ASIC2: variants seen among roughly 807,000 people sequenced by gnomAD.
ASIC2 encodes acid sensing ion channel subunit 2.
In ASIC2, 25 loss-of-function variants were observed where a neutral mutation model predicts 57.3. The ratio of observed to expected loss-of-function variants is 0.44; its 90% CI spans 0.32 to 0.61. ASIC2 has a LOEUF of 0.61. Ranked by LOEUF, ASIC2 falls within the 20% of genes least tolerant of loss-of-function variation. The pLI, the probability that ASIC2 is intolerant of heterozygous loss-of-function variation, is 0.06. For missense variants in ASIC2, 641 were observed against 738.1 expected (o/e 0.87, Z 1.52); for synonymous variants, 319 against 307.5 (o/e 1.04, Z -0.39).
chr17:33,975,393 C>G (rs978379582), intron 1 of ASIC2, among the ~76,000 whole-genome samples: 5 of 152,078 alleles, frequency 3.3e-5, no homozygotes, highest in Non-Finnish European at 7.4e-5. Flanking sequence ...CCTTTCAACC[C>G]CTTGTCCTAG....
At chr17:33,168,007 C>T (rs1597613334) in intron 1 of ASIC2, among the ~76,000 whole-genome samples, 1 of 152,196 alleles carries the variant, frequency 6.6e-6, no homozygotes, top group African/African-American at 2.4e-5. Context: ...TCATTAAATG[C>T]AATAATGCCA....
At chr17:33,625,175 CATCTAT>C (rs775915439) in intron 1 of ASIC2, among the ~76,000 whole-genome samples, 1 of 132,514 alleles carries the variant, frequency 7.5e-6, no homozygotes, top group Non-Finnish European at 1.6e-5. Flanking sequence ...ATCTATCTAT[CATCTAT>C]TATCTATCTA....
chr17:33,918,578 C>T (rs1915639465), intron 1 of ASIC2, among the ~76,000 whole-genome samples: 1 of 152,070 alleles, frequency 6.6e-6, no homozygotes, highest in Non-Finnish European at 1.5e-5. Context: ...AATTATCAAC[C>T]ACCACCCTGG....
chr17:33,544,031 G>T (rs1278805241), intron 1 of ASIC2, among the ~76,000 whole-genome samples: 1 of 152,180 alleles, frequency 6.6e-6, no homozygotes, highest in Non-Finnish European at 1.5e-5. Context: ...CAGTCAATCT[G>T]TTCCTTTCAA....
intron 1 of ASIC2, among the ~76,000 whole-genome samples, chr17:33,703,742 T>C (rs749365281): frequency 6.6e-6 from 1 of 152,172 alleles, no homozygotes; most frequent in Non-Finnish European, 1.5e-5. Flanking sequence ...GCCTTTAGCC[T>C]GTCCATGCCC....
intron 1 of ASIC2, among the ~76,000 whole-genome samples, chr17:33,844,852 A>C (rs1913535321): frequency 6.6e-6 from 1 of 152,164 alleles, no homozygotes; most frequent in Admixed American, 6.5e-5. Flanking sequence ...TATTTATATA[A>C]ATTTTTTTAT....
chr17:33,726,629 T>C lies in ASIC2; in HGVS notation c.555+429349A>G, dbSNP rs994361581. 1.4e-4 allele frequency among the ~76,000 whole-genome samples: 22 copies of C among 152,276 alleles called. 1 individual carries two copies. The highest frequency in any genetic ancestry group is 5.3e-4 in the African/African-American group (22 of 41,562). On this transcript the variant is annotated intron_variant, in intron 1 of 9. Coordinates refer to the ASIC2 transcript ENST00000359872. Reference sequence around the variant, plus strand: ...TCTGCCTTTCCGCATTTCCTCAAGATTCCTCTCAAAATATCTGTTCCTTCT... The same window carrying C: ...TCTGCCTTTCCGCATTTCCTCAAGACTCCTCTCAAAATATCTGTTCCTTCT...
chr17:34,002,229 T>C (rs1338956887), intron 1 of ASIC2: 1 of 152,238 alleles, frequency 6.6e-6, no homozygotes, highest in Non-Finnish European at 1.5e-5. Context: ...CTGTTGAATG[T>C]TGCCAACAGA....
At chr17:33,428,102 C>T (rs1436993791) in intron 1 of ASIC2, among the ~76,000 whole-genome samples, 1 of 152,196 alleles carries the variant, frequency 6.6e-6, no homozygotes, top group African/African-American at 2.4e-5. Flanking sequence ...TCATAGGATA[C>T]CCTGAGCCTA....
chr17:33,794,729 C>T (rs1911866932), intron 1 of ASIC2: 1 of 152,172 alleles, frequency 6.6e-6, no homozygotes, highest in Non-Finnish European at 1.5e-5. Flanking sequence ...AACAAGCCTT[C>T]TATCACAGTC....
At chr17:33,117,499 C>T (rs117534688) in intron 1 of ASIC2, among the ~76,000 whole-genome samples, 4,485 of 152,200 alleles carry the variant, frequency 0.029, 82 homozygotes, top group Non-Finnish European at 0.043. Context: ...ATTATTGTCC[C>T]AACCACCCGG....
chr17:33,374,344 C>T (rs1909198498), intron 1 of ASIC2, among the ~76,000 whole-genome samples: 1 of 152,082 alleles, frequency 6.6e-6, no homozygotes, highest in African/African-American at 2.4e-5. Context: ...ACTGTCTGAC[C>T]TCATCTAGAC....
chr17:33,051,759 T>C lies in ASIC2; in HGVS notation c.988-23367A>G, dbSNP rs147954037. On this transcript the variant is annotated intron_variant, in intron 3 of 9. Coordinates refer to ENST00000225823, the MANE Select transcript of ASIC2 (RefSeq NM_183377.2). The stretch of plus-strand genomic sequence containing the variant: ...TCTAGCGCACTGCCTATATGACATA[T>C]AGAAGGCAGTCAATATAGCAGAGAT... Among the ~76,000 whole-genome samples, 4 of 152,256 alleles carry C rather than the reference T, an allele frequency of 2.6e-5. No homozygotes were observed. The East Asian group carries it at 5.8e-4, about 22-fold the overall frequency.
At chr17:33,785,387 C>T (rs1031286428) in intron 1 of ASIC2, among the ~76,000 whole-genome samples, 2 of 152,122 alleles carry the variant, frequency 1.3e-5, no homozygotes, top group African/African-American at 4.8e-5. Context: ...ATCTCATTTG[C>T]ATTCTGTTTG....
chr17:33,268,194 C>T (rs865878141), intron 1 of ASIC2, among the ~76,000 whole-genome samples: 49 of 152,182 alleles, frequency 3.2e-4, no homozygotes, highest in Admixed American at 2.5e-3. Context: ...TCCAGCCTTT[C>T]TATTGATTCT....
chr17:34,089,220 A>T (rs772756467), intron 1 of ASIC2, among the ~76,000 whole-genome samples: 5 of 152,222 alleles, frequency 3.3e-5, no homozygotes, highest in Non-Finnish European at 7.3e-5. Context: ...TTTATGAAGC[A>T]TCAATGCTCA....
At chr17:33,826,327 T>C (rs1225252921) in intron 1 of ASIC2, among the ~76,000 whole-genome samples, 1 of 152,188 alleles carries the variant, frequency 6.6e-6, no homozygotes, top group African/African-American at 2.4e-5. Flanking sequence ...TGGCATATGA[T>C]GGAGGGCGCA....
At chr17:33,890,634 T>A (rs776478615) in intron 1 of ASIC2, among the ~76,000 whole-genome samples, 14 of 152,242 alleles carry the variant, frequency 9.2e-5, no homozygotes, top group Middle Eastern at 3.4e-3. Flanking sequence ...TGAACCACCG[T>A]CCATTCTATG....
intron 1 of ASIC2, among the ~76,000 whole-genome samples, chr17:33,878,478 G>A (rs1051700505): frequency 5.9e-5 from 9 of 152,196 alleles, no homozygotes; most frequent in East Asian, 1.9e-4. Context: ...CTCAATAGCC[G>A]ATTCGATCAA....
Sources: allele counts gnomAD v4.1 joint callset (sites outside exome capture counted in the v4.1 genomes callset), GRCh38; gene constraint gnomAD v4.1.1; transcripts MANE v1.5; gene names NCBI Gene and HGNC (gene_info 2026-07-23, HGNC 2026-07-21).